AADAC: variants seen among roughly 807,000 people sequenced by gnomAD.
AADAC encodes arylacetamide deacetylase (esterase).
AADAC carries 17 observed loss-of-function variants against 22.7 expected under a neutral mutation model. The ratio of observed to expected loss-of-function variants is 0.75; its 90% confidence interval spans 0.51 to 1.12. AADAC has a LOEUF of 1.12. Among genes scored for constraint, AADAC ranks in the 50% most tolerant of loss-of-function variants. The pLI is 0.00. For missense variants in AADAC, 465 were observed against 473.9 expected (o/e 0.98, Z 0.17); for synonymous variants, 167 against 176.3 (o/e 0.95, Z 0.42).
rs57922305 is a variant in AADAC at position 151,818,240 on chromosome 3, C to CA, written c.361+667dup. Among the ~76,000 whole-genome samples the CA allele has an allele frequency of 5.1e-3, 705 of 139,432 alleles. 5 individuals are homozygous for CA. Among genetic ancestry groups the CA allele is most frequent in the African/African-American group, 0.017 (662 of 38,014 alleles). The allele number at this position is 139,432 out of a possible 152,430, so 91.5% of individuals were successfully genotyped here. ...TGGGCAACAGAGCAAGACTCTGCCT[C>CA]AAAAAAAAAAAAAAAGAAAAAAATC... On this transcript the variant is annotated intron_variant, in intron 2 of 4. Transcript: ENST00000232892.
At position 151,825,215 on chromosome 3, in the gene AADAC, AAAAAAAG is replaced by A. The variant is rs1240971144; in HGVS notation, c.603+394_603+400del. Among the ~76,000 whole-genome samples the A allele has an allele frequency of 8.6e-5, 13 of 151,702 alleles. No individual in the cohort carries two copies. In the East Asian group the frequency reaches 1.9e-3, roughly 23 times the overall value. On this transcript the variant is annotated intron_variant, in intron 4 of 4. Coordinates refer to ENST00000232892, the MANE Select transcript of AADAC (RefSeq NM_001086.3). Reference sequence around the variant, plus strand: ...AGTGAGACCCTGTCTCTACAAAAAAAAAAAAAGAAAAAAGAAAAATTAGCCTGGCATA... The same window carrying A: ...AGTGAGACCCTGTCTCTACAAAAAAAAAAAAAGAAAAATTAGCCTGGCATA...
intron 3 of AADAC, among the ~76,000 whole-genome samples, chr3:151,823,705 A>G (rs1716347964): frequency 6.6e-6 from 1 of 151,990 alleles, no homozygotes; most frequent in Non-Finnish European, 1.5e-5. Flanking sequence ...ACTCTTTGAC[A>G]TTATTAAGTA....
chr3:151,817,270 T>G, intron 1 of AADAC, 96 bp from the exon 2 acceptor site: 1 of 1,030,276 alleles, frequency 9.7e-7, no homozygotes, highest in Non-Finnish European at 1.4e-6. Context: ...TTCATTCCAT[T>G]TGAGTTTATT....
intron 2 of AADAC, among the ~76,000 whole-genome samples, chr3:151,818,653 T>C (rs1185666490): frequency 6.6e-6 from 1 of 152,078 alleles, no homozygotes; most frequent in African/African-American, 2.4e-5. Flanking sequence ...ACTCAGTGAT[T>C]GGGACAAGAG....
intron 2 of AADAC, among the ~76,000 whole-genome samples, chr3:151,818,188 C>A (rs9810654): frequency 0.022 from 3,253 of 150,426 alleles, 68 homozygotes; most frequent in South Asian, 0.052. Flanking sequence ...TCGCAGTGAG[C>A]CAAGATTGCA....
chr3:151,823,282 C>CA (rs35215003), intron 3 of AADAC, among the ~76,000 whole-genome samples: 117 of 127,778 alleles, frequency 9.2e-4, no homozygotes, highest in East Asian at 7.4e-3. Flanking sequence ...TGTCTCCCCG[C>CA]AAAAAAAAAA....
At chr3:151,815,436 G>T (rs1715942806) in intron 1 of AADAC, among the ~76,000 whole-genome samples, 1 of 152,014 alleles carries the variant, frequency 6.6e-6, no homozygotes, top group South Asian at 2.1e-4. Flanking sequence ...GAGGTTAGAA[G>T]CCATATCATA....
chr3:151,824,866 T>C (rs1716408798), intron 4 of AADAC, 32 bp downstream of exon 4: 1 of 1,467,484 alleles, frequency 6.8e-7, no homozygotes, highest in African/African-American at 1.4e-5. Context: ...TTTTTAAAAA[T>C]AGCGTTTCTA....
chr3:151,824,547 T>G, intron 3 of AADAC, 116 bp from the exon 4 acceptor site: 1 of 673,580 alleles, frequency 1.5e-6, no homozygotes, highest in Admixed American at 4.2e-5. Context: ...ACCTCCAGCA[T>G]GTATTAGGTT....
At chr3:151,819,673 A>T (rs560806422) in intron 2 of AADAC, among the ~76,000 whole-genome samples, 1 of 152,158 alleles carries the variant, frequency 6.6e-6, no homozygotes, top group East Asian at 1.9e-4. Context: ...GTTGACTGAT[A>T]GATACACATC....
chr3:151,823,742 T>C (rs909947469), intron 3 of AADAC, among the ~76,000 whole-genome samples: 1 of 151,996 alleles, frequency 6.6e-6, no homozygotes, highest in Admixed American at 6.6e-5. Flanking sequence ...CATACCTCTG[T>C]TATTATCAAT....
intron 2 of AADAC, among the ~76,000 whole-genome samples, chr3:151,818,266 C>T (rs59966230): frequency 0.6 from 90,056 of 150,248 alleles, 27,494 homozygotes; most frequent in Non-Finnish European, 0.64. Flanking sequence ...GAAAAAAATC[C>T]TGTCTTCCTG....
intron 3 of AADAC, among the ~76,000 whole-genome samples, chr3:151,822,372 T>C (rs1716287202): frequency 6.6e-6 from 1 of 152,022 alleles, no homozygotes; most frequent in Non-Finnish European, 1.5e-5. Flanking sequence ...GCAGTATTCA[T>C]AAACCTTAAA....
At position 151,824,528 on chromosome 3, in the gene AADAC, C is replaced by T. The variant is rs1029722262; in HGVS notation, c.432-135C>T. On this transcript the variant is annotated intron_variant, in intron 3 of 4. Coordinates refer to ENST00000232892, the MANE Select transcript of AADAC (RefSeq NM_001086.3). ...GTTTGAAAATTAAAGAAATTATATA[C>T]TTATGTGCACCTCCAGCATGTATTA... 10 of 543,764 alleles carry T rather than the reference C, an allele frequency of 1.8e-5. No individual in the cohort carries two copies. The East Asian group carries it at 2.4e-4, about 13-fold the overall frequency. The allele number at this position is 543,764 out of a possible 1,614,324, so 33.7% of individuals were successfully genotyped here.
intron 3 of AADAC, among the ~76,000 whole-genome samples, chr3:151,823,226 C>T (rs1454390121): frequency 2.0e-5 from 3 of 151,158 alleles, no homozygotes; most frequent in African/African-American, 2.4e-5. Flanking sequence ...TGCGGTGAGC[C>T]GAGATTGTGC....
In AADAC at chr3:151,828,402, TAAA is replaced by T; in HGVS notation, c.*234_*236del. The stretch of plus-strand genomic sequence containing the variant: ...CCTTCTTACACTGTTAATCTTATTT[TAAA>T]AAATATTACATTCTTGTATACTTTA... On this transcript the variant is annotated 3_prime_UTR_variant, in exon 5 of 5. Coordinates refer to ENST00000232892, the MANE Select transcript of AADAC (RefSeq NM_001086.3). The T allele has an allele frequency of 3.6e-6, 1 of 276,282 alleles. No individual in the cohort carries two copies. Among genetic ancestry groups the T allele is most frequent in the African/African-American group, 2.2e-5 (1 of 45,754 alleles). 17.1% of individuals were successfully genotyped at this position (276,282 alleles called of 1,614,324 possible).
In AADAC at chr3:151,818,076, T is replaced by TA. The variant is rs565610615; in HGVS notation, c.361+492dup. Among the ~76,000 whole-genome samples, 516 of 151,676 alleles carry TA rather than the reference T, an allele frequency of 3.4e-3. 2 individuals carry two copies. The highest frequency in any genetic ancestry group is 0.012 in the African/African-American group (499 of 41,438). On this transcript the variant is annotated intron_variant, in intron 2 of 4. Transcript: ENST00000232892. ...CAACATGGTGAAACCCTGTATCTAC[T>TA]AAAACAATACAAAAATTAGCCGGGT... is the stretch of plus-strand genomic sequence containing the variant.
intron 2 of AADAC, among the ~76,000 whole-genome samples, chr3:151,819,652 G>A (rs1716151054): frequency 6.6e-6 from 1 of 151,958 alleles, no homozygotes; most frequent in South Asian, 2.1e-4. Context: ...GCCAAGTAAT[G>A]GGCTGGGAGT....
At chr3:151,823,283 A>C (rs9714247) in intron 3 of AADAC, among the ~76,000 whole-genome samples, 24,338 of 147,496 alleles carry the variant, frequency 0.17, 2,196 homozygotes, top group African/African-American at 0.21. Context: ...GTCTCCCCGC[A>C]AAAAAAAAAA....
Sources: gnomAD v4.1 joint callset for allele counts (sites outside exome capture counted in the v4.1 genomes callset) on GRCh38, gnomAD v4.1.1 for gene constraint, MANE v1.5 for transcripts, NCBI Gene and HGNC (gene_info 2026-07-23, HGNC 2026-07-21) for gene names.